The following CFAP54 variants were observed in gnomAD, a reference collection of about 807,000 sequenced individuals.
CFAP54 encodes the protein cilia- and flagella-associated protein 54.
A neutral mutation model predicts 370.4 loss-of-function variants in CFAP54; 290 were observed. That is an observed-to-expected ratio of 0.78 (90% confidence interval 0.71 to 0.86). The LOEUF (loss-of-function observed/expected upper bound fraction) is 0.86, where lower values mean the gene tolerates loss of function less well. Among genes scored for constraint, CFAP54 ranks in the 40% least tolerant of loss-of-function variants. The pLI is 0.00. For missense variants in CFAP54, 3,399 were observed against 3,528.7 expected (o/e 0.96, Z 0.93); for synonymous variants, 1,206 against 1,236.5 (o/e 0.98, Z 0.52).
chr12:96,873,319 ATTAG>A (rs1960212103), intron 67 of CFAP54, among the ~76,000 whole-genome samples: 1 of 152,226 alleles, frequency 6.6e-6, no homozygotes, highest in Non-Finnish European at 1.5e-5. Context: ...TTACAACTGT[ATTAG>A]TTAAGAATCA....
chr12:96,734,027 G>T (rs1049290583), intron 50 of CFAP54, among the ~76,000 whole-genome samples: 6 of 151,572 alleles, frequency 4.0e-5, no homozygotes, highest in African/African-American at 1.5e-4. Context: ...CGTTTCCTGT[G>T]CACACACTGA....
Position 96,503,886 on chromosome 12 carries a change from G to T in CFAP54, c.424G>T (p.Glu142Ter). 1 of 1,472,648 alleles carries T rather than the reference G, an allele frequency of 6.8e-7. No individual in the cohort carries two copies. The highest frequency in any genetic ancestry group is 8.9e-7 in the Non-Finnish European group (1 of 1,121,008). The allele number at this position is 1,472,648 out of a possible 1,614,324, so 91.2% of individuals were successfully genotyped here. A position where few individuals can be genotyped will look rare whatever the true frequency, so the allele number is the denominator to read the frequency against. Residue 142 changes from glutamate to a stop codon, truncating the protein, a stop_gained and splice_region_variant, in exon 3 of 68, where the codon GAA becomes TAA. Coordinates refer to ENST00000524981, the MANE Select transcript of CFAP54 (RefSeq NM_001306084.2). LOFTEE classifies it high-confidence loss of function. ...TAATCAAGTACTCCTTTTGTTTCAG[G>T]AATACAAACTGGCCCTTTTACAATG... ...KVGDSLCQMKEYKLALLQCYG... is the reference protein window; with the variant it reads ...KVGDSLCQMK
chr12:96,755,855 A>C (rs1449864823), intron 56 of CFAP54, among the ~76,000 whole-genome samples: 1 of 151,702 alleles, frequency 6.6e-6, no homozygotes, highest in Non-Finnish European at 1.5e-5. Context: ...TTTAGTAGAG[A>C]TGGCGTTTCA....
intron 5 of CFAP54, among the ~76,000 whole-genome samples, chr12:96,514,767 GT>G (rs979528474): frequency 2.6e-5 from 4 of 152,142 alleles, no homozygotes; most frequent in Non-Finnish European, 5.9e-5. Flanking sequence ...TATACCTTGA[GT>G]TTGTCTCTGA....
rs1040855593 is a variant in CFAP54, at chr12:96,540,869, A to G, written c.1959A>G (p.Val653=). The G allele has an allele frequency of 2.7e-6, 4 of 1,478,362 alleles. No individual in the cohort carries two copies. The African/African-American group carries it at 5.7e-5, about 21-fold the overall frequency. The allele number at this position is 1,478,362 out of a possible 1,614,324, so 91.6% of individuals were successfully genotyped here. ...WIYLLWQINE[V]IHCYKMEDID... ...ATCTTCTGTGGCAGATAAATGAAGT[A>G]ATTCACTGCTATAAAATGGAAGACA... Residue 653 remains valine, a synonymous_variant, in exon 14 of 68, where the codon GTA becomes GTG. Transcript: ENST00000524981.
chr12:96,805,491 A>G (rs1320164670), intron 63 of CFAP54, among the ~76,000 whole-genome samples: 3 of 152,230 alleles, frequency 2.0e-5, no homozygotes, highest in East Asian at 3.9e-4. Context: ...GCTCAACATC[A>G]CTAATCATCA....
intron 55 of CFAP54, among the ~76,000 whole-genome samples, chr12:96,744,861 C>G (rs1414714094): frequency 3.3e-5 from 5 of 152,096 alleles, no homozygotes; most frequent in East Asian, 1.9e-4. Context: ...GCTCTACCCC[C>G]CAGTAGGTCA....
At chr12:96,729,069 A>T (rs1957881864) in intron 50 of CFAP54, among the ~76,000 whole-genome samples, 1 of 152,016 alleles carries the variant, frequency 6.6e-6, no homozygotes, top group African/African-American at 2.4e-5. Context: ...CGGCCATGTG[A>T]GGTGTCAGTC....
intron 12 of CFAP54, among the ~76,000 whole-genome samples, chr12:96,537,055 A>T (rs559803390): frequency 1.1e-4 from 16 of 152,334 alleles, no homozygotes; most frequent in African/African-American, 3.8e-4. Context: ...CAAACATTGC[A>T]GGAAGGTGCT....
intron 17 of CFAP54, among the ~76,000 whole-genome samples, chr12:96,558,698 T>C (rs932719884): frequency 4.6e-5 from 7 of 151,818 alleles, no homozygotes; most frequent in Admixed American, 6.6e-5. Flanking sequence ...ACTAGACCCC[T>C]CTCTCTCTCA....
intron 63 of CFAP54, among the ~76,000 whole-genome samples, chr12:96,797,874 C>A: frequency 6.6e-6 from 1 of 151,898 alleles, no homozygotes. Context: ...TTTAAATCTA[C>A]CTTGCTTTTG....
intron 58 of CFAP54, among the ~76,000 whole-genome samples, chr12:96,758,032 C>T (rs912989218): frequency 6.6e-6 from 1 of 152,160 alleles, no homozygotes; most frequent in African/African-American, 2.4e-5. Context: ...ATCATTCATA[C>T]ATTCATCACG....
Position 96,786,702 on chromosome 12 carries a change from C to G in CFAP54, c.8483C>G (p.Ser2828Cys). The change falls in exon 62 of 68, where the codon TCT (serine) becomes TGT (cysteine). Residue 2828 changes from serine to cysteine, a missense_variant. Transcript: ENST00000524981. ...TCTGCAACACCAGTATCTGGAATTT[C>G]TTTGCCAGATGATACACTTCTCACA... ...LASATPVSGI[S>C]LPDDTLLTSL... 1 of 1,533,600 alleles carries G rather than the reference C, an allele frequency of 6.5e-7. No individual in the cohort carries two copies. The highest frequency in any genetic ancestry group is 8.7e-7 in the Non-Finnish European group (1 of 1,145,528). 95.0% of individuals were successfully genotyped at this position (1,533,600 alleles called of 1,614,324 possible).
chr12:96,572,429 G>A (rs1479636440), intron 19 of CFAP54, among the ~76,000 whole-genome samples: 1 of 151,988 alleles, frequency 6.6e-6, no homozygotes, highest in Non-Finnish European at 1.5e-5. Context: ...GCATTTTAGG[G>A]AATGAGTGAT....
chr12:96,595,392 T>G, intron 25 of CFAP54, among the ~76,000 whole-genome samples: 1 of 152,112 alleles, frequency 6.6e-6, no homozygotes, highest in South Asian at 2.1e-4. Flanking sequence ...AGAATTCTGC[T>G]TACCACAGGA....
At chr12:96,599,125 A>G (rs1222798476) in intron 26 of CFAP54, among the ~76,000 whole-genome samples, 2 of 152,102 alleles carry the variant, frequency 1.3e-5, no homozygotes, top group Non-Finnish European at 1.5e-5. Flanking sequence ...CATCATTTAC[A>G]TTAGGTATTT....
intron 19 of CFAP54, 153 bp downstream of exon 19, chr12:96,564,918 T>G: frequency 2.6e-6 from 1 of 389,612 alleles, no homozygotes; most frequent in Non-Finnish European, 4.5e-6. Flanking sequence ...CCAGGGGAAC[T>G]AATTCGTACC....
Position 96,757,533 on chromosome 12 carries a change from A to T in CFAP54, c.7985A>T (p.Tyr2662Phe). ...RDSYLEMALLYFHLKKPKIKI... is the reference protein window; with the variant it reads ...RDSYLEMALLFFHLKKPKIKI... ...TCCTACCTAGAAATGGCTCTATTGTATTTTCATCTGAAGAAGCCAAAGATA... is the reference window on the plus strand; with the variant it reads ...TCCTACCTAGAAATGGCTCTATTGTTTTTTCATCTGAAGAAGCCAAAGATA... The change falls in exon 58 of 68, where the codon TAT (tyrosine) becomes TTT (phenylalanine). Residue 2662 changes from tyrosine (Y) to phenylalanine (F), a missense_variant. Tyr to Phe is a conservative substitution (Grantham distance 22, BLOSUM62 3). Around this residue, in one of 3 missense-constraint regions of CFAP54, gnomAD observed 2,796 missense variants for 2,869.7 expected, o/e 0.97. Transcript: ENST00000524981. The T allele has an allele frequency of 6.3e-7, 1 of 1,599,416 alleles. No individual in the cohort carries two copies. The highest frequency in any genetic ancestry group is 1.3e-5 in the African/African-American group (1 of 74,804).
At chr12:96,794,420 ATGT>A (rs1209058578) in intron 63 of CFAP54, among the ~76,000 whole-genome samples, 1 of 149,098 alleles carries the variant, frequency 6.7e-6, no homozygotes, top group Admixed American at 6.7e-5. Flanking sequence ...CTTCTTGGAG[ATGT>A]TGTTCTTTTT....
Sources: allele counts gnomAD v4.1 joint callset (sites outside exome capture counted in the v4.1 genomes callset), GRCh38; gene constraint gnomAD v4.1.1; regional missense constraint gnomAD v4.1.1; transcripts MANE v1.5; gene names NCBI Gene and HGNC (gene_info 2026-07-23, HGNC 2026-07-21).